The following ADAMTS3 variants were observed in gnomAD, a reference collection of about 807,000 sequenced individuals.
ADAMTS3 encodes the protein A disintegrin and metalloproteinase with thrombospondin motifs 3.
Under a neutral mutation model 129.0 loss-of-function variants are expected in ADAMTS3, and 73 were observed. The observed-to-expected ratio is 0.57, with a 90% CI of 0.47 to 0.69. The LOEUF is 0.69. ADAMTS3 is among the 30% of genes least tolerant of loss of function. The pLI is 0.00. For synonymous variants in ADAMTS3, 477 were observed against 510.8 expected (o/e 0.93, Z 0.89); for missense variants, 1,457 against 1,514.5 (o/e 0.96, Z 0.63).
intron 4 of ADAMTS3, among the ~76,000 whole-genome samples, chr4:72,371,351 T>A (rs769933421): frequency 1.1e-4 from 16 of 151,594 alleles, no homozygotes; most frequent in East Asian, 3.9e-4. Flanking sequence ...AATAAAAAAA[T>A]TAATGCTTAC....
intron 3 of ADAMTS3, among the ~76,000 whole-genome samples, chr4:72,493,253 C>T (rs928107411): frequency 6.6e-6 from 1 of 151,904 alleles, no homozygotes; most frequent in Non-Finnish European, 1.5e-5. Context: ...CATACTGTTA[C>T]CACTTTGTTA....
At chr4:72,560,355 C>T (rs1013469051) in intron 2 of ADAMTS3, among the ~76,000 whole-genome samples, 1 of 152,082 alleles carries the variant, frequency 6.6e-6, no homozygotes, top group African/African-American at 2.4e-5. Context: ...CAAATGGGAT[C>T]TAATTAAACT....
intron 3 of ADAMTS3, among the ~76,000 whole-genome samples, chr4:72,416,958 G>T (rs998913682): frequency 2.6e-5 from 4 of 152,184 alleles, no homozygotes; most frequent in African/African-American, 7.2e-5. Flanking sequence ...AACACCATCT[G>T]CTGGTAGCAA....
chr4:72,520,055 C>T (rs2109740231), intron 3 of ADAMTS3, among the ~76,000 whole-genome samples: 1 of 152,302 alleles, frequency 6.6e-6, no homozygotes, highest in South Asian at 2.1e-4. Flanking sequence ...TTCCTTCTAA[C>T]AGACAGGACC....
At chr4:72,473,777 C>G (rs1719147923) in intron 3 of ADAMTS3, among the ~76,000 whole-genome samples, 1 of 152,152 alleles carries the variant, frequency 6.6e-6, no homozygotes, top group South Asian at 2.1e-4. Flanking sequence ...AACCAAGACT[C>G]CCAACTCCTA....
intron 3 of ADAMTS3, among the ~76,000 whole-genome samples, chr4:72,493,704 GT>G (rs1160436858): frequency 3.9e-5 from 6 of 151,916 alleles, no homozygotes; most frequent in Non-Finnish European, 8.8e-5. Context: ...GCTTTTTGTT[GT>G]TGTTTAGCAT....
chr4:72,514,855 T>A (rs1049466468), intron 3 of ADAMTS3, among the ~76,000 whole-genome samples: 1 of 152,140 alleles, frequency 6.6e-6, no homozygotes, highest in African/African-American at 2.4e-5. Context: ...ATTATTATAC[T>A]TTAAGTTTTA....
chr4:72,392,119 G>C (rs375348210), intron 4 of ADAMTS3, among the ~76,000 whole-genome samples: 3 of 152,088 alleles, frequency 2.0e-5, no homozygotes, highest in African/African-American at 7.2e-5. Flanking sequence ...CAACAGAGAA[G>C]TGACCCCTTA....
chr4:72,566,696 A>G (rs1166835382), intron 2 of ADAMTS3, among the ~76,000 whole-genome samples: 3 of 152,210 alleles, frequency 2.0e-5, no homozygotes, highest in Admixed American at 1.3e-4. Flanking sequence ...CAACAAATAC[A>G]TTATTCTAAA....
chr4:72,313,348 CTT>C (rs1719297598), intron 12 of ADAMTS3, among the ~76,000 whole-genome samples: 1 of 152,170 alleles, frequency 6.6e-6, no homozygotes, highest in South Asian at 2.1e-4. Context: ...TGGACACTCT[CTT>C]GTTTCTGGCA....
rs907338297 is a variant in ADAMTS3, at chr4:72,282,790, T to C, written c.*346A>G. The C allele has an allele frequency of 1.1e-4, 19 of 166,912 alleles. No individual in the cohort carries two copies. Among genetic ancestry groups the C allele is most frequent in the Admixed American group, 4.3e-4 (7 of 16,156 alleles). 10.3% of individuals were successfully genotyped at this position (166,912 alleles called of 1,614,324 possible). A position where few individuals can be genotyped will look rare whatever the true frequency, so the allele number is the denominator to read the frequency against. On this transcript the variant is annotated 3_prime_UTR_variant, in exon 22 of 22. Coordinates refer to ENST00000286657, the MANE Select transcript of ADAMTS3 (RefSeq NM_014243.3). ...TAAACCATTGGTATCTCTTTTTAATTTTTACTGTAACTTTTCTAAAACAAA... is the reference window on the plus strand; with the variant it reads ...TAAACCATTGGTATCTCTTTTTAATCTTTACTGTAACTTTTCTAAAACAAA...
At chr4:72,515,085 G>A (rs1720427876) in intron 3 of ADAMTS3, among the ~76,000 whole-genome samples, 1 of 152,100 alleles carries the variant, frequency 6.6e-6, no homozygotes, top group Admixed American at 6.5e-5. Context: ...AACATGCGGT[G>A]TTTGGTTTTT....
intron 16 of ADAMTS3, among the ~76,000 whole-genome samples, chr4:72,305,720 C>T (rs1009760973): frequency 1.3e-4 from 20 of 151,948 alleles, no homozygotes; most frequent in African/African-American, 4.8e-4. Flanking sequence ...TTGATTCTTA[C>T]ATATACGTAT....
At chr4:72,474,533 T>C (rs1463429311) in intron 3 of ADAMTS3, among the ~76,000 whole-genome samples, 1 of 151,162 alleles carries the variant, frequency 6.6e-6, no homozygotes, top group African/African-American at 2.4e-5. Context: ...ATAGACTACA[T>C]AAAATAAACA....
At chr4:72,294,417 A>G (rs1236771781) in intron 19 of ADAMTS3, among the ~76,000 whole-genome samples, 1 of 152,102 alleles carries the variant, frequency 6.6e-6, no homozygotes, top group African/African-American at 2.4e-5. Context: ...TATGAAACTG[A>G]TATTTCAAAA....
At chr4:72,450,107 A>C (rs572636691) in intron 3 of ADAMTS3, among the ~76,000 whole-genome samples, 1 of 151,730 alleles carries the variant, frequency 6.6e-6, no homozygotes, top group African/African-American at 2.4e-5. Flanking sequence ...TTAGGCCCTC[A>C]GTACATTCTT....
At chr4:72,407,270 T>A (rs1722074056) in intron 4 of ADAMTS3, among the ~76,000 whole-genome samples, 1 of 151,744 alleles carries the variant, frequency 6.6e-6, no homozygotes, top group African/African-American at 2.4e-5. Flanking sequence ...ATGATGAAAT[T>A]AAAAAAAATG....
chr4:72,526,568 T>G (rs368343736), intron 3 of ADAMTS3, among the ~76,000 whole-genome samples: 1 of 28,116 alleles, frequency 3.6e-5, no homozygotes, highest in Non-Finnish European at 7.7e-5. Flanking sequence ...CTAATGAAAT[T>G]TATGTGTGTG....
At chr4:72,498,816 T>C (rs1719936125) in intron 3 of ADAMTS3, among the ~76,000 whole-genome samples, 1 of 152,144 alleles carries the variant, frequency 6.6e-6, no homozygotes, top group African/African-American at 2.4e-5. Context: ...CTTGGCCACA[T>C]TGGTAAAAGA....
Sources: allele counts gnomAD v4.1 joint callset (sites outside exome capture counted in the v4.1 genomes callset), GRCh38; gene constraint gnomAD v4.1.1; transcripts MANE v1.5; gene names NCBI Gene and HGNC (gene_info 2026-07-23, HGNC 2026-07-21).